MOB3B: variants seen among roughly 807,000 people sequenced by gnomAD.
The protein encoded by MOB3B is MOB kinase activator-like 2B.
In MOB3B, 7 loss-of-function variants were observed where a neutral mutation model predicts 18.7. The ratio of observed to expected loss-of-function variants is 0.37; its 90% CI spans 0.21 to 0.70. MOB3B has a LOEUF of 0.70. MOB3B is among the 30% of genes least tolerant of loss of function. The pLI is 0.52. For missense variants in MOB3B, 253 were observed against 281.3 expected (o/e 0.90, Z 0.72); for synonymous variants, 111 against 99.9 (o/e 1.11, Z -0.66).
At chr9:27,476,744 C>T (rs1378707846) in intron 1 of MOB3B, among the ~76,000 whole-genome samples, 1 of 152,176 alleles carries the variant, frequency 6.6e-6, no homozygotes, top group Non-Finnish European at 1.5e-5. Flanking sequence ...ATCCAACTTA[C>T]AAGGAGTATT....
chr9:27,378,083 T>G (rs999124010), intron 2 of MOB3B, among the ~76,000 whole-genome samples: 1 of 152,244 alleles, frequency 6.6e-6, no homozygotes, highest in African/African-American at 2.4e-5. Context: ...TATGGGCTAC[T>G]TATGTCTCAA....
At chr9:27,364,239 G>A (rs1033646508) in intron 2 of MOB3B, among the ~76,000 whole-genome samples, 2 of 152,156 alleles carry the variant, frequency 1.3e-5, no homozygotes, top group African/African-American at 4.8e-5. Flanking sequence ...AGGGCAACCC[G>A]TGTTCTACAT....
At chr9:27,426,191 A>G (rs981198081) in intron 2 of MOB3B, among the ~76,000 whole-genome samples, 2 of 152,116 alleles carry the variant, frequency 1.3e-5, no homozygotes, top group East Asian at 1.9e-4. Context: ...TGGGATTCCA[A>G]CCTATCCTGT....
intron 2 of MOB3B, among the ~76,000 whole-genome samples, chr9:27,428,548 AG>A (rs1274862486): frequency 1.3e-5 from 2 of 152,228 alleles, no homozygotes; most frequent in Non-Finnish European, 2.9e-5. Context: ...TAGAGGCCAA[AG>A]GTAAAACAAA....
intron 2 of MOB3B, among the ~76,000 whole-genome samples, chr9:27,400,471 G>A (rs75523865): frequency 0.017 from 2,586 of 152,234 alleles, 43 homozygotes; most frequent in Non-Finnish European, 0.022. Flanking sequence ...CAAACTGCCA[G>A]GCACACAGTT....
intron 1 of MOB3B, among the ~76,000 whole-genome samples, chr9:27,466,779 C>CGGGA (rs1554651148): frequency 6.6e-6 from 1 of 152,086 alleles, no homozygotes; most frequent in Admixed American, 6.5e-5. Context: ...AAGAATAGCA[C>CGGGA]GGGAAAGACC....
intron 1 of MOB3B, among the ~76,000 whole-genome samples, chr9:27,478,189 C>A (rs1226045394): frequency 1.3e-5 from 2 of 152,166 alleles, no homozygotes; most frequent in Admixed American, 6.5e-5. Flanking sequence ...AGGGAAGAAG[C>A]AAACTCAAAT....
intron 1 of MOB3B, among the ~76,000 whole-genome samples, chr9:27,524,145 C>G (rs951249832): frequency 6.8e-5 from 6 of 88,600 alleles, no homozygotes; most frequent in African/African-American, 3.0e-4. Flanking sequence ...CATAGTCACC[C>G]GAAGTAAAAA....
intron 3 of MOB3B, among the ~76,000 whole-genome samples, chr9:27,349,680 G>C (rs1457447392): frequency 6.6e-6 from 1 of 152,202 alleles, no homozygotes; most frequent in African/African-American, 2.4e-5. Flanking sequence ...TGGTGTCTCT[G>C]ACCAACAGCT....
intron 1 of MOB3B, 128 bp downstream of exon 1, chr9:27,529,427 G>T (rs1372379177): frequency 4.1e-6 from 2 of 488,546 alleles, no homozygotes; most frequent in Non-Finnish European, 2.7e-6. Context: ...CCGGTCCGCC[G>T]CCTCCCGCAC....
At chr9:27,358,083 T>C (rs1179900579) in intron 3 of MOB3B, among the ~76,000 whole-genome samples, 2 of 151,636 alleles carry the variant, frequency 1.3e-5, no homozygotes, top group African/African-American at 4.8e-5. Context: ...ATAAAAATAA[T>C]AAAACCTGTG....
At chr9:27,518,128 TC>T (rs1407691378) in intron 1 of MOB3B, among the ~76,000 whole-genome samples, 3 of 152,212 alleles carry the variant, frequency 2.0e-5, no homozygotes, top group Non-Finnish European at 2.9e-5. Context: ...CTTTCTTTGT[TC>T]TTCAGAAATG....
intron 2 of MOB3B, among the ~76,000 whole-genome samples, chr9:27,371,801 G>A (rs1042597371): frequency 2.0e-5 from 3 of 152,060 alleles, no homozygotes; most frequent in African/African-American, 4.8e-5. Flanking sequence ...ATCTAGGACT[G>A]CCAGACCTTC....
chr9:27,428,680 C>T (rs1822373350), intron 2 of MOB3B, among the ~76,000 whole-genome samples: 1 of 152,210 alleles, frequency 6.6e-6, no homozygotes, highest in Non-Finnish European at 1.5e-5. Flanking sequence ...AAGGTGATAG[C>T]TGCAGGGCAT....
rs527936130 is a variant in MOB3B at position 27,330,705 on chromosome 9, C to T, written c.622-89G>A. ...GATCCTGAAAATGCTCTTGGAATCT[C>T]GAGAGCCTGTAAATGAAAGCTTGCA... On this transcript the variant is annotated intron_variant, in intron 3 of 3. Coordinates refer to ENST00000262244, the MANE Select transcript of MOB3B (RefSeq NM_024761.5). 8.5e-5 allele frequency: 133 copies of T among 1,563,060 alleles called. No individual in the cohort carries two copies. In the East Asian group the frequency reaches 1.9e-3, roughly 22 times the overall value.
intron 2 of MOB3B, among the ~76,000 whole-genome samples, chr9:27,368,331 CAT>C (rs1363819521): frequency 1.4e-5 from 2 of 147,744 alleles, no homozygotes; most frequent in African/African-American, 5.0e-5. Context: ...CATACATATA[CAT>C]ATATATACAC....
intron 2 of MOB3B, among the ~76,000 whole-genome samples, chr9:27,444,174 AGAAG>A (rs1822641934): frequency 9.4e-6 from 1 of 106,844 alleles, no homozygotes; most frequent in Non-Finnish European, 2.0e-5. Context: ...AAGGAAGGAA[AGAAG>A]GAAGGAAAGA....
At chr9:27,401,131 G>C (rs1821871559) in intron 2 of MOB3B, among the ~76,000 whole-genome samples, 1 of 152,176 alleles carries the variant, frequency 6.6e-6, no homozygotes, top group Admixed American at 6.5e-5. Flanking sequence ...AAGAGCAGGG[G>C]CCGGGTGCTC....
Position 27,332,533 on chromosome 9 carries a change from T to C in MOB3B, c.622-1917A>G, listed in dbSNP as rs558298795. Among the ~76,000 whole-genome samples the C allele has an allele frequency of 6.6e-5, 10 of 152,306 alleles. No homozygotes were observed. In the South Asian group the frequency reaches 1.4e-3, roughly 22 times the overall value. The stretch of plus-strand genomic sequence containing the variant: ...CAGGTGCTTTGGGGTGGTTATACCA[T>C]TGCATCTGTATAACTCTAAGACAGG... On this transcript the variant is annotated intron_variant, in intron 3 of 3. Transcript: ENST00000262244.
Sources: gnomAD v4.1 joint callset for allele counts (sites outside exome capture counted in the v4.1 genomes callset) on GRCh38, gnomAD v4.1.1 for gene constraint, MANE v1.5 for transcripts, NCBI Gene and HGNC (gene_info 2026-07-23, HGNC 2026-07-21) for gene names.